The following SUGCT variants were observed in gnomAD, a reference collection of about 807,000 sequenced individuals.
SUGCT encodes the protein succinyl-CoA:glutarate CoA-transferase.
A neutral mutation model predicts 55.0 loss-of-function variants in SUGCT; 41 were observed. The observed-to-expected ratio is 0.74, with a 90% CI of 0.58 to 0.97. The LOEUF (loss-of-function observed/expected upper bound fraction) is 0.97, where lower values mean the gene tolerates loss of function less well. Ranked by LOEUF, SUGCT falls within the 50% of genes least tolerant of loss-of-function variation. The pLI is 0.00. For synonymous variants in SUGCT, 187 were observed against 200.4 expected (o/e 0.93, Z 0.56); for missense variants, 568 against 547.8 (o/e 1.04, Z -0.37).
chr7:40,287,064 A>G (rs1263293378), intron 8 of SUGCT, among the ~76,000 whole-genome samples: 1 of 152,156 alleles, frequency 6.6e-6, no homozygotes, highest in Non-Finnish European at 1.5e-5. Flanking sequence ...CTGAGGTGCA[A>G]CACTGGGAGG....
intron 12 of SUGCT, among the ~76,000 whole-genome samples, chr7:40,620,747 C>CATA (rs1264473038): frequency 6.6e-6 from 1 of 151,926 alleles, no homozygotes; most frequent in African/African-American, 2.4e-5. Flanking sequence ...GGTGAATGGC[C>CATA]ATAATAATAA....
chr7:40,264,017 CA>C lies in SUGCT; in HGVS notation c.577-10494del, dbSNP rs571732245. ...AAAATGATCTTCCTGTTCTGGTCTG[CA>C]ATGTAAAGACCTTTCTCTTGCTGGG... On this transcript the variant is annotated intron_variant, in intron 7 of 13. Coordinates refer to ENST00000335693, the MANE Select transcript of SUGCT (RefSeq NM_001193313.2). Among the ~76,000 whole-genome samples, 562 of 152,196 alleles carry C rather than the reference CA, an allele frequency of 3.7e-3. 4 individuals are homozygous for C. Among genetic ancestry groups the C allele is most frequent in the African/African-American group, 0.012 (515 of 41,528 alleles).
At chr7:40,846,113 A>T (rs755187475) in intron 13 of SUGCT, among the ~76,000 whole-genome samples, 4 of 152,178 alleles carry the variant, frequency 2.6e-5, no homozygotes, top group African/African-American at 9.7e-5. Context: ...GGAGAAGGTC[A>T]CTACTTTGAA....
intron 11 of SUGCT, among the ~76,000 whole-genome samples, chr7:40,495,113 T>C (rs1305369944): frequency 6.6e-6 from 1 of 152,072 alleles, no homozygotes; most frequent in Non-Finnish European, 1.5e-5. Flanking sequence ...GGTTTCACCA[T>C]TTTGGTCAGG....
At chr7:40,605,605 A>T (rs192860175) in intron 12 of SUGCT, among the ~76,000 whole-genome samples, 227 of 152,258 alleles carry the variant, frequency 1.5e-3, no homozygotes, top group Admixed American at 3.1e-3. Flanking sequence ...GAAATGGAGG[A>T]GAAAAGAGAA....
chr7:40,230,533 A>T (rs566562646), intron 6 of SUGCT, among the ~76,000 whole-genome samples: 2 of 152,230 alleles, frequency 1.3e-5, no homozygotes, highest in Non-Finnish European at 2.9e-5. Context: ...ATCGCAGGAC[A>T]TGAGAGGCTG....
intron 6 of SUGCT, among the ~76,000 whole-genome samples, chr7:40,223,054 C>T (rs1389344116): frequency 2.0e-5 from 3 of 150,810 alleles, no homozygotes; most frequent in African/African-American, 4.9e-5. Context: ...TCCATCCACC[C>T]ATCCTTCCAT....
chr7:40,479,973 C>A (rs1790932880), intron 11 of SUGCT, among the ~76,000 whole-genome samples: 1 of 152,070 alleles, frequency 6.6e-6, no homozygotes, highest in African/African-American at 2.4e-5. Flanking sequence ...TACATCATCT[C>A]TTCACTCAAT....
chr7:40,646,040 A>G (rs1562923109), intron 12 of SUGCT, among the ~76,000 whole-genome samples: 2 of 152,120 alleles, frequency 1.3e-5, no homozygotes, highest in Admixed American at 1.3e-4. Context: ...CACCACTACC[A>G]GATACCCCCA....
intron 1 of SUGCT, among the ~76,000 whole-genome samples, chr7:40,142,515 T>G (rs981517201): frequency 2.6e-5 from 4 of 152,198 alleles, no homozygotes; most frequent in Non-Finnish European, 5.9e-5. Context: ...CACCAACCCA[T>G]GGATGCATGG....
At chr7:41,020,987 G>A in the SUGCT span, among the ~76,000 whole-genome samples, 1 of 152,226 alleles carries the variant, frequency 6.6e-6, no homozygotes, top group Non-Finnish European at 1.5e-5. Flanking sequence ...GACAGGAGAT[G>A]TGGCCTGTGG....
At chr7:40,264,271 C>T (rs1791412857) in intron 7 of SUGCT, among the ~76,000 whole-genome samples, 1 of 152,090 alleles carries the variant, frequency 6.6e-6, no homozygotes, top group African/African-American at 2.4e-5. Context: ...TACTGAGGTA[C>T]ATAAGTAATA....
the SUGCT span, among the ~76,000 whole-genome samples, chr7:41,023,975 C>A: frequency 3.9e-5 from 6 of 152,214 alleles, no homozygotes; most frequent in Admixed American, 3.9e-4. Context: ...ATTAGGCATC[C>A]GTAATCATGA....
At chr7:40,508,729 GA>G (rs1387092193) in intron 12 of SUGCT, among the ~76,000 whole-genome samples, 1 of 152,012 alleles carries the variant, frequency 6.6e-6, no homozygotes, top group Non-Finnish European at 1.5e-5. Flanking sequence ...ATTTTCACCA[GA>G]AAAATTGCTG....
At chr7:40,510,850 A>G (rs1180477275) in intron 12 of SUGCT, among the ~76,000 whole-genome samples, 1 of 152,196 alleles carries the variant, frequency 6.6e-6, no homozygotes, top group African/African-American at 2.4e-5. Flanking sequence ...GGTTACCCTT[A>G]GGTAAACACC....
At chr7:40,783,799 T>G (rs1019789464) in intron 13 of SUGCT, among the ~76,000 whole-genome samples, 1 of 152,206 alleles carries the variant, frequency 6.6e-6, no homozygotes. Flanking sequence ...TGCTCTCACC[T>G]CTAAACTTTA....
At chr7:40,189,266 C>G (rs919417325) in intron 4 of SUGCT, among the ~76,000 whole-genome samples, 3 of 151,938 alleles carry the variant, frequency 2.0e-5, no homozygotes, top group Non-Finnish European at 1.5e-5. Context: ...CGCCTGAACC[C>G]GGGAGGCAGA....
rs537579981 is a variant in SUGCT at position 40,274,902 on chromosome 7, A to T, written c.720+246A>T. Reference sequence around the variant, plus strand: ...CTGCAACCTCCACCTCCTGGGTTCAAGCAATTCTTCTGCCTCAGCCTCCTG... The same window carrying T: ...CTGCAACCTCCACCTCCTGGGTTCATGCAATTCTTCTGCCTCAGCCTCCTG... On this transcript the variant is annotated intron_variant, in intron 8 of 13. Coordinates refer to ENST00000335693, the MANE Select transcript of SUGCT (RefSeq NM_001193313.2). Among the ~76,000 whole-genome samples the T allele has an allele frequency of 5.3e-4, 81 of 152,282 alleles. 1 individual carries two copies. The South Asian group carries it at 0.016, about 30-fold the overall frequency.
chr7:40,167,189 G>A (rs1002718243), intron 1 of SUGCT, among the ~76,000 whole-genome samples: 1 of 152,126 alleles, frequency 6.6e-6, no homozygotes, highest in Non-Finnish European at 1.5e-5. Context: ...ATACAGTAGA[G>A]TGTACTCATA....
Sources: allele counts gnomAD v4.1 joint callset (sites outside exome capture counted in the v4.1 genomes callset), GRCh38; gene constraint gnomAD v4.1.1; transcripts MANE v1.5; gene names NCBI Gene and HGNC (gene_info 2026-07-23, HGNC 2026-07-21).